Variants in RASEF observed in about 807,000 individuals in gnomAD.
The protein encoded by RASEF is ras and EF-hand domain-containing protein.
In RASEF, 68 loss-of-function variants were observed where a neutral mutation model predicts 90.1. The ratio of observed to expected loss-of-function variants is 0.75; its 90% CI spans 0.62 to 0.92. The LOEUF is 0.92. Ranked by LOEUF, RASEF falls within the 40% of genes least tolerant of loss-of-function variation. RASEF has a pLI of 0.00. For missense variants in RASEF, 949 were observed against 937.2 expected, an observed-to-expected ratio of 1.01 and a Z score of -0.16; for synonymous variants, 331 against 345.2, an observed-to-expected ratio of 0.96 and a Z score of 0.46.
At chr9:83,082,938 G>A in the RASEF span, among the ~76,000 whole-genome samples, 382 of 152,252 alleles carry the variant, frequency 2.5e-3, 3 homozygotes, top group African/African-American at 8.7e-3. Context: ...AAGATCATGC[G>A]CCCAGTGATC....
At chr9:83,048,195 G>C (rs1587522116) in intron 1 of RASEF, 1 of 985,396 alleles carries the variant, frequency 1.0e-6, no homozygotes, top group South Asian at 4.7e-5. Context: ...AGCGGAAGGA[G>C]CTTGGAGGTC....
the RASEF span, among the ~76,000 whole-genome samples, chr9:83,078,829 G>T: frequency 3.9e-5 from 6 of 152,230 alleles, no homozygotes; most frequent in Admixed American, 2.6e-4. Context: ...TAATATGCTT[G>T]TTGGCCACAT....
intron 1 of RASEF, chr9:83,048,880 AC>A: frequency 5.5e-6 from 3 of 545,176 alleles, no homozygotes; most frequent in Non-Finnish European, 7.0e-6. Context: ...TGTCATCCCA[AC>A]ACTTTGGGAG....
chr9:83,063,399 G>C (rs114826603), upstream of RASEF, among the ~76,000 whole-genome samples: 1,039 of 152,348 alleles, frequency 6.8e-3, 10 homozygotes, highest in African/African-American at 0.024. Context: ...CGCGTCAGAA[G>C]CTAACCGCAC....
At chr9:83,127,325 T>G in the RASEF span, among the ~76,000 whole-genome samples, 2 of 152,320 alleles carry the variant, frequency 1.3e-5, no homozygotes, top group Non-Finnish European at 2.9e-5. Flanking sequence ...AGGAGATGCT[T>G]TTTTCTGTAG....
intron 1 of RASEF, among the ~76,000 whole-genome samples, chr9:83,060,315 C>G (rs1830181675): frequency 6.6e-6 from 1 of 152,182 alleles, no homozygotes; most frequent in African/African-American, 2.4e-5. Context: ...AAGAAAAGCT[C>G]AAGACTTCAA....
intron 4 of RASEF, 37 bp downstream of exon 4, chr9:83,015,768 G>A: frequency 6.9e-7 from 1 of 1,446,900 alleles, no homozygotes; most frequent in Non-Finnish European, 9.7e-7. Flanking sequence ...CTGAGATGCT[G>A]AGGCTGTTCC....
the RASEF span, among the ~76,000 whole-genome samples, chr9:83,193,734 A>G: frequency 0.51 from 77,667 of 152,104 alleles, 22,061 homozygotes; most frequent in Middle Eastern, 0.66. Flanking sequence ...AGGACAGAGA[A>G]TGTAAATCAG....
chr9:83,075,388 CT>C, the RASEF span, among the ~76,000 whole-genome samples: 338 of 152,198 alleles, frequency 2.2e-3, no homozygotes, highest in African/African-American at 8.0e-3. Flanking sequence ...GCCTCAAAGT[CT>C]TTTTGAAAGT....
At chr9:83,182,528 C>A in the RASEF span, among the ~76,000 whole-genome samples, 1 of 151,992 alleles carries the variant, frequency 6.6e-6, no homozygotes, top group East Asian at 1.9e-4. Context: ...AACAAAATTG[C>A]GATTTAAGTA....
intron 14 of RASEF, among the ~76,000 whole-genome samples, chr9:82,994,798 C>T (rs998185201): frequency 6.6e-6 from 1 of 152,172 alleles, no homozygotes; most frequent in African/African-American, 2.4e-5. Context: ...AATTCTATTA[C>T]AAGATTTTTT....
chr9:83,179,754 A>T, the RASEF span, among the ~76,000 whole-genome samples: 2 of 152,178 alleles, frequency 1.3e-5, no homozygotes, highest in Non-Finnish European at 2.9e-5. Flanking sequence ...CTAAATAAAA[A>T]AGCAAGGCCT....
intron 3 of RASEF, among the ~76,000 whole-genome samples, chr9:83,020,994 C>T (rs533096248): frequency 1.3e-4 from 20 of 152,264 alleles, no homozygotes; most frequent in South Asian, 6.2e-4. Flanking sequence ...TTGAAAATGA[C>T]GTCCAGCTTC....
the RASEF span, among the ~76,000 whole-genome samples, chr9:83,143,287 C>G: frequency 6.6e-6 from 1 of 152,160 alleles, no homozygotes; most frequent in African/African-American, 2.4e-5. Flanking sequence ...CAACAGTAAA[C>G]AGACAACCTA....
chr9:83,062,013 C>G (rs1830210036), intron 1 of RASEF, among the ~76,000 whole-genome samples: 1 of 152,220 alleles, frequency 6.6e-6, no homozygotes, highest in African/African-American at 2.4e-5. Context: ...AACGACAAAT[C>G]AGAAAACTAT....
the RASEF span, among the ~76,000 whole-genome samples, chr9:83,134,834 A>G: frequency 0.054 from 8,209 of 152,314 alleles, 278 homozygotes; most frequent in South Asian, 0.1. Flanking sequence ...GTATTTTCAC[A>G]ACAGCCAAAA....
chr9:83,053,612 A>G (rs369079824), intron 1 of RASEF, among the ~76,000 whole-genome samples: 2 of 124,138 alleles, frequency 1.6e-5, no homozygotes, highest in Admixed American at 7.8e-5. Context: ...GATTTTGCTC[A>G]TTAGTTGATG....
At chr9:83,085,781 G>A in the RASEF span, among the ~76,000 whole-genome samples, 1 of 151,678 alleles carries the variant, frequency 6.6e-6, no homozygotes, top group Non-Finnish European at 1.5e-5. Flanking sequence ...AAATATTAGC[G>A]AGGCGTGGTG....
At chr9:83,112,762 G>A in the RASEF span, among the ~76,000 whole-genome samples, 6 of 151,664 alleles carry the variant, frequency 4.0e-5, no homozygotes, top group Non-Finnish European at 7.4e-5. Flanking sequence ...TGAATATGCT[G>A]TCAATGCAGT....
Sources: gnomAD v4.1 joint callset for allele counts (sites outside exome capture counted in the v4.1 genomes callset) on GRCh38, gnomAD v4.1.1 for gene constraint, MANE v1.5 for transcripts, NCBI Gene and HGNC (gene_info 2026-07-23, HGNC 2026-07-21) for gene names.